Variants in TLL2 observed in about 807,000 individuals in gnomAD.
TLL2 encodes tolloid-like protein 2.
TLL2 carries 106 observed loss-of-function variants against 123.0 expected under a neutral mutation model. The observed-to-expected ratio is 0.86, with a 90% CI of 0.74 to 1.01. TLL2 has a LOEUF of 1.01. TLL2 is among the 50% of genes least tolerant of loss of function. The probability of loss-of-function intolerance (pLI) is 0.00; values close to 1 mark genes in which losing one functional copy is unlikely to be tolerated. For synonymous variants in TLL2, 494 were observed against 516.8 expected (o/e 0.96, Z 0.60); for missense variants, 1,332 against 1,336.7 (o/e 1.00, Z 0.06).
intron 1 of TLL2, among the ~76,000 whole-genome samples, chr10:96,508,732 G>C: frequency 6.6e-6 from 1 of 151,908 alleles, no homozygotes; most frequent in East Asian, 1.9e-4. Flanking sequence ...CTTTCTGCTT[G>C]AGAACTTTTT....
rs374275574 is a variant in TLL2 at position 96,410,455 on chromosome 10, C to T, written c.1068G>A (p.Gln356=). The part of the protein sequence containing the change: ...YKCPACGETL[Q]DTTGNFSAPG... ...GTGCAGAAAAGTTTCCCGTTGTGTCCTGCAGGGTCTCCCCACACGCTGCAC... is the reference window on the plus strand; with the variant it reads ...GTGCAGAAAAGTTTCCCGTTGTGTCTTGCAGGGTCTCCCCACACGCTGCAC... The change falls in exon 9 of 21, where the codon CAG becomes CAA. Residue 356 remains glutamine (Q), a synonymous_variant. Transcript: ENST00000357947. The T allele has an allele frequency of 6.2e-7, 1 of 1,613,900 alleles. No homozygotes were observed. The highest frequency in any genetic ancestry group is 8.5e-7 in the Non-Finnish European group (1 of 1,180,016).
rs201561475 is a variant in TLL2 at position 96,410,447 on chromosome 10, G to A, written c.1076C>T (p.Thr359Met). ...PACGETLQDT[T>M]GNFSAPGFPN... ...GAAACCAGGTGCAGAAAAGTTTCCC[G>A]TTGTGTCCTGCAGGGTCTCCCCACA... is the stretch of plus-strand genomic sequence containing the variant. The change falls in exon 9 of 21, where the codon ACG becomes ATG. Residue 359 changes from threonine to methionine, a missense_variant. Physicochemically the swap from Thr to Met is moderately conservative, Grantham distance 81. Transcript: ENST00000357947. The A allele has an allele frequency of 8.6e-5, 138 of 1,613,872 alleles. 1 individual carries two copies. Among genetic ancestry groups the A allele is most frequent in the Non-Finnish European group, 1.1e-4 (128 of 1,179,998 alleles).
chr10:96,422,177 A>C (rs956560378), intron 6 of TLL2, among the ~76,000 whole-genome samples: 2 of 152,172 alleles, frequency 1.3e-5, no homozygotes, highest in African/African-American at 4.8e-5. Flanking sequence ...TAAGTCAGCA[A>C]AAATAACTCA....
intron 1 of TLL2, among the ~76,000 whole-genome samples, chr10:96,500,211 A>G (rs1284300291): frequency 6.6e-6 from 1 of 151,502 alleles, no homozygotes; most frequent in East Asian, 1.9e-4. Flanking sequence ...CCAGCTACTC[A>G]GTAGGCCAAG....
At chr10:96,487,043 G>C (rs958946710) in intron 1 of TLL2, among the ~76,000 whole-genome samples, 2 of 152,218 alleles carry the variant, frequency 1.3e-5, no homozygotes, top group Non-Finnish European at 2.9e-5. Flanking sequence ...GGGGAGGCAG[G>C]CTCATTAAAA....
intron 5 of TLL2, among the ~76,000 whole-genome samples, chr10:96,423,967 T>A (rs1375898866): frequency 6.6e-6 from 1 of 152,192 alleles, no homozygotes; most frequent in Non-Finnish European, 1.5e-5. Flanking sequence ...TGAAGTACTA[T>A]TCAGCCTAAA....
intron 1 of TLL2, among the ~76,000 whole-genome samples, chr10:96,507,658 G>A (rs982881886): frequency 1.3e-5 from 2 of 152,168 alleles, no homozygotes; most frequent in African/African-American, 4.8e-5. Context: ...ATCCTGAAAA[G>A]TGGATATTAC....
chr10:96,511,394 G>A (rs887452428), intron 1 of TLL2, among the ~76,000 whole-genome samples: 9 of 152,100 alleles, frequency 5.9e-5, no homozygotes, highest in African/African-American at 2.2e-4. Flanking sequence ...CCTTATCATC[G>A]CCCTCTTCTG....
chr10:96,428,767 C>A lies in TLL2; in HGVS notation c.521-19G>T, dbSNP rs972440969. ...TGGCTCCCTGAAACAACAGGGCAAG[C>A]ACTCGACTTCAATGATGGGTCCATA... On this transcript the variant is annotated intron_variant, in intron 4 of 20. Coordinates refer to ENST00000357947, the MANE Select transcript of TLL2 (RefSeq NM_012465.4). The A allele has an allele frequency of 1.1e-5, 16 of 1,490,538 alleles. No homozygotes were observed. Among genetic ancestry groups the A allele is most frequent in the African/African-American group, 1.4e-5 (1 of 71,568 alleles). The allele number at this position is 1,490,538 out of a possible 1,614,324, so 92.3% of individuals were successfully genotyped here. A position where few individuals can be genotyped will look rare whatever the true frequency, so the allele number is the denominator to read the frequency against.
intron 15 of TLL2, among the ~76,000 whole-genome samples, chr10:96,385,725 C>G (rs994460887): frequency 9.2e-5 from 14 of 152,306 alleles, no homozygotes; most frequent in African/African-American, 3.1e-4. Context: ...ATTCTCACCC[C>G]CTTTATTCGC....
At chr10:96,466,705 G>A (rs1273634052) in intron 2 of TLL2, among the ~76,000 whole-genome samples, 1 of 152,218 alleles carries the variant, frequency 6.6e-6, no homozygotes, top group Admixed American at 6.5e-5. Flanking sequence ...TCTCTGCAAG[G>A]TTCCTGGCTA....
rs1846047829 is a variant in TLL2 at position 96,368,220 on chromosome 10, T to C, written c.2916A>G (p.Pro972=). The change falls in exon 21 of 21, where the codon CCA becomes CCG. Residue 972 remains proline (P), a splice_region_variant and synonymous_variant. Coordinates refer to ENST00000357947, the MANE Select transcript of TLL2 (RefSeq NM_012465.4). ...CACCTGCAGAGTAGATTTCTTCTAA[T>C]GGCTGAGGAAAGGAGAAAGGGAAAC... The part of the protein sequence containing the change: ...PRLGRFCGSG[P]LEEIYSAGDS... The C allele has an allele frequency of 6.2e-7, 1 of 1,613,876 alleles. No homozygotes were observed. Among genetic ancestry groups the C allele is most frequent in the Non-Finnish European group, 8.5e-7 (1 of 1,180,002 alleles).
chr10:96,432,862 T>C lies in TLL2; in HGVS notation c.465A>G (p.Thr155=). ...TGACTCCTCCAGGCCATATCCTCTC[T>C]GTCCTTGAGGTTGTGGCTCTTCGGA... ...PRVRRATTSR[T]ERIWPGGVIP... The change falls in exon 4 of 21, where the codon ACA becomes ACG. Residue 155 remains threonine, a synonymous_variant. Coordinates refer to ENST00000357947, the MANE Select transcript of TLL2 (RefSeq NM_012465.4). 3.7e-6 allele frequency: 6 copies of C among 1,614,162 alleles called. No individual in the cohort carries two copies. The highest frequency in any genetic ancestry group is 5.1e-6 in the Non-Finnish European group (6 of 1,180,016).
At chr10:96,387,125 C>T (rs1189504645) in intron 13 of TLL2, 47 bp from the exon 14 acceptor site, 2 of 1,597,988 alleles carry the variant, frequency 1.3e-6, no homozygotes, top group South Asian at 2.2e-5. Context: ...AGGAAGCCTC[C>T]TGGCTGTTCC....
chr10:96,428,836 C>A, intron 4 of TLL2, 88 bp from the exon 5 acceptor site: 6 of 863,658 alleles, frequency 6.9e-6, no homozygotes, highest in Non-Finnish European at 1.1e-5. Flanking sequence ...CGGAGTTTTG[C>A]CTTTGTTGCC....
At chr10:96,491,854 G>C (rs1847416747) in intron 1 of TLL2, among the ~76,000 whole-genome samples, 1 of 152,100 alleles carries the variant, frequency 6.6e-6, no homozygotes, top group South Asian at 2.1e-4. Context: ...GCACAGTTGG[G>C]CGTCGCAAGG....
intron 13 of TLL2, among the ~76,000 whole-genome samples, chr10:96,393,718 G>A (rs1846311062): frequency 7.6e-6 from 1 of 131,444 alleles, no homozygotes; most frequent in African/African-American, 2.7e-5. Context: ...GCTATGGCCT[G>A]GCTTTTTTTT....
intron 2 of TLL2, among the ~76,000 whole-genome samples, chr10:96,468,043 G>C (rs113122105): frequency 9.7e-4 from 148 of 152,160 alleles, no homozygotes; most frequent in Non-Finnish European, 2.0e-3. Flanking sequence ...CTTAAAGCCA[G>C]GTGAACTCAA....
At chr10:96,427,943 T>C (rs1846695146) in intron 5 of TLL2, among the ~76,000 whole-genome samples, 2 of 152,114 alleles carry the variant, frequency 1.3e-5, no homozygotes, top group African/African-American at 4.8e-5. Flanking sequence ...TACAGGCATG[T>C]GCCACCACAC....
Sources: gnomAD v4.1 joint callset for allele counts (sites outside exome capture counted in the v4.1 genomes callset) on GRCh38, gnomAD v4.1.1 for gene constraint, MANE v1.5 for transcripts, NCBI Gene and HGNC (gene_info 2026-07-23, HGNC 2026-07-21) for gene names.